Variants in MRPS35 observed in about 807,000 individuals in gnomAD.
MRPS35 encodes the protein small ribosomal subunit protein mS35.
A neutral mutation model predicts 32.7 loss-of-function variants in MRPS35; 29 were observed. The ratio of observed to expected loss-of-function variants is 0.89; its 90% CI spans 0.66 to 1.21. MRPS35 has a LOEUF of 1.21. MRPS35 is among the 50% of genes most tolerant of loss of function. MRPS35 has a pLI of 0.00. For missense variants in MRPS35, 373 were observed against 383.8 expected (o/e 0.97, Z 0.23); for synonymous variants, 148 against 139.3 (o/e 1.06, Z -0.44).
rs188131530 is a variant in MRPS35, at chr12:27,711,420, G to A, written c.112+465G>A. Among the ~76,000 whole-genome samples, 638 of 152,290 alleles carry A rather than the reference G, an allele frequency of 4.2e-3. 3 individuals carry two copies. Among genetic ancestry groups the A allele is most frequent in the Non-Finnish European group, 6.6e-3 (447 of 68,020 alleles). ...GCGTTGATGACCTCCATTTAACAGA[G>A]ATTGTAGGGATGCTTGATAGCGTGC... On this transcript the variant is annotated intron_variant, in intron 1 of 7. Coordinates refer to ENST00000081029, the MANE Select transcript of MRPS35 (RefSeq NM_021821.4).
In MRPS35 at chr12:27,744,628, T is replaced by G. The variant is rs193140667; in HGVS notation, c.702+7020T>G. Among the ~76,000 whole-genome samples, 27 of 152,330 alleles carry G rather than the reference T, an allele frequency of 1.8e-4. No homozygotes were observed. In the South Asian group the frequency reaches 4.6e-3, roughly 26 times the overall value. The stretch of plus-strand genomic sequence containing the variant: ...ACGCATCTCTTTAACATGAAGCGTA[T>G]GTTTTTATTTAGCACTTTTTGCATA... On this transcript the variant is annotated intron_variant, in intron 7 of 7. Coordinates refer to ENST00000081029, the MANE Select transcript of MRPS35 (RefSeq NM_021821.4).
At chr12:27,715,628 C>T (rs1224177755) in intron 2 of MRPS35, among the ~76,000 whole-genome samples, 1 of 152,216 alleles carries the variant, frequency 6.6e-6, no homozygotes, top group Non-Finnish European at 1.5e-5. Flanking sequence ...TAAGAGCAGT[C>T]ATTTCCTCAG....
intron 5 of MRPS35, among the ~76,000 whole-genome samples, chr12:27,734,493 G>A (rs896702852): frequency 5.3e-5 from 8 of 151,910 alleles, no homozygotes; most frequent in Admixed American, 3.3e-4. Context: ...CGCCCGCCTC[G>A]GCCTCCCAAA....
intron 4 of MRPS35, among the ~76,000 whole-genome samples, chr12:27,723,485 T>C (rs1316007152): frequency 6.6e-6 from 1 of 152,188 alleles, no homozygotes; most frequent in Non-Finnish European, 1.5e-5. Flanking sequence ...AGAAAAAATA[T>C]CAGTTCTTAT....
chr12:27,755,153 CATTTT>C (rs779291048), intron 7 of MRPS35, 23 bp from the exon 8 acceptor site: 1 of 1,477,704 alleles, frequency 6.8e-7, no homozygotes, highest in South Asian at 1.4e-5. Flanking sequence ...ATTCAGAACT[CATTTT>C]TTTTTGTTTT....
intron 5 of MRPS35, among the ~76,000 whole-genome samples, chr12:27,733,031 TATATATATATC>T (rs1191016938): frequency 4.0e-5 from 5 of 124,182 alleles, no homozygotes; most frequent in South Asian, 2.7e-4. Context: ...TATATATATA[TATATATATATC>T]CAGCACCTCC....
In MRPS35 at chr12:27,755,349, G is replaced by A. The variant is rs1398247339; in HGVS notation, c.871G>A (p.Glu291Lys). The A allele has an allele frequency of 6.2e-7, 1 of 1,608,066 alleles. No individual in the cohort carries two copies. Among genetic ancestry groups the A allele is most frequent in the Non-Finnish European group, 8.5e-7 (1 of 1,178,638 alleles). Residue 291 changes from glutamate to lysine, a missense_variant, in exon 8 of 8, where the codon GAG becomes AAG. Transcript: ENST00000081029. ...EELLGTKEIE[E>K]YKKSVVSLKN... ...GCTCCTTGGTACTAAAGAAATTGAA[G>A]AGTACAAAAAGTCTGTTGTTAGTCT...
chr12:27,748,990 T>C (rs192118078), intron 7 of MRPS35, among the ~76,000 whole-genome samples: 1 of 152,278 alleles, frequency 6.6e-6, no homozygotes, highest in East Asian at 1.9e-4. Context: ...TCCACCTCTT[T>C]GAAAAGGAAT....
intron 5 of MRPS35, among the ~76,000 whole-genome samples, chr12:27,733,840 T>C (rs2061931831): frequency 6.6e-6 from 1 of 152,240 alleles, no homozygotes; most frequent in Non-Finnish European, 1.5e-5. Flanking sequence ...TATTTATCTA[T>C]TTTCTCTACT....
chr12:27,712,453 G>C (rs2061831668), intron 1 of MRPS35, among the ~76,000 whole-genome samples: 1 of 152,192 alleles, frequency 6.6e-6, no homozygotes, highest in African/African-American at 2.4e-5. Context: ...CTTTACTGGG[G>C]TAAGAGTGGA....
At chr12:27,747,045 G>A (rs1449169549) in intron 7 of MRPS35, among the ~76,000 whole-genome samples, 3 of 152,042 alleles carry the variant, frequency 2.0e-5, no homozygotes, top group Non-Finnish European at 2.9e-5. Flanking sequence ...CCATTACTTA[G>A]GATAAAGTCT....
intron 1 of MRPS35, 121 bp downstream of exon 1, chr12:27,711,076 GC>G: frequency 1.2e-6 from 1 of 839,558 alleles, no homozygotes; most frequent in African/African-American, 1.7e-5. Flanking sequence ...TGCGTCCGCT[GC>G]CAGGCCCGTC....
Position 27,755,178 on chromosome 12 carries a change from C to G in MRPS35, c.703-3C>G, listed in dbSNP as rs759082661. On this transcript the variant is annotated splice_region_variant and splice_polypyrimidine_tract_variant and intron_variant, in intron 7 of 7. Transcript: ENST00000081029. ...CATTTTTTTTTGTTTTGTTTTGTTT[C>G]AGAATACTGAAGAATGGGAAAAAAG... 10 of 1,489,724 alleles carry G rather than the reference C, an allele frequency of 6.7e-6. No homozygotes were observed. Among genetic ancestry groups the G allele is most frequent in the South Asian group, 4.4e-5 (3 of 68,484 alleles). The allele number at this position is 1,489,724 out of a possible 1,614,324, so 92.3% of individuals were successfully genotyped here.
At chr12:27,740,975 T>C (rs549220539) in intron 7 of MRPS35, among the ~76,000 whole-genome samples, 1 of 152,046 alleles carries the variant, frequency 6.6e-6, no homozygotes, top group Non-Finnish European at 1.5e-5. Context: ...GATACCACCC[T>C]GGGCAACATG....
At chr12:27,736,552 T>A (rs1283572653) in intron 6 of MRPS35, among the ~76,000 whole-genome samples, 1 of 152,054 alleles carries the variant, frequency 6.6e-6, no homozygotes, top group Non-Finnish European at 1.5e-5. Flanking sequence ...ATATGTTTTA[T>A]GGTAACTATT....
intron 4 of MRPS35, among the ~76,000 whole-genome samples, chr12:27,720,285 T>C (rs979632839): frequency 6.6e-6 from 1 of 151,754 alleles, no homozygotes; most frequent in Non-Finnish European, 1.5e-5. Flanking sequence ...TCCCAGCTAC[T>C]CTGGAGGCTG....
At chr12:27,726,983 C>T (rs1258821746) in intron 5 of MRPS35, among the ~76,000 whole-genome samples, 18 of 114,660 alleles carry the variant, frequency 1.6e-4, no homozygotes, top group East Asian at 5.4e-4. Flanking sequence ...TTTTTTGAGA[C>T]GGAGTCTCAC....
intron 5 of MRPS35, among the ~76,000 whole-genome samples, chr12:27,730,370 G>A (rs563510427): frequency 1.3e-5 from 2 of 152,034 alleles, no homozygotes; most frequent in African/African-American, 2.4e-5. Context: ...AACTTGTTGT[G>A]TGTTTGGGGA....
At chr12:27,733,026 A>ATCTATCTATCTATCTATC (rs1298970274) in intron 5 of MRPS35, among the ~76,000 whole-genome samples, 1 of 132,920 alleles carries the variant, frequency 7.5e-6, no homozygotes, top group East Asian at 2.6e-4. Context: ...ATATATATAT[A>ATCTATCTATCTATCTATC]TATATATATA....
Sources: gnomAD v4.1 joint callset for allele counts (sites outside exome capture counted in the v4.1 genomes callset) on GRCh38, gnomAD v4.1.1 for gene constraint, MANE v1.5 for transcripts, NCBI Gene and HGNC (gene_info 2026-07-23, HGNC 2026-07-21) for gene names.